Variants in GRM8 observed in about 807,000 individuals in gnomAD.
The protein encoded by GRM8 is metabotropic glutamate receptor 8.
GRM8 carries 47 observed loss-of-function variants against 87.2 expected under a neutral mutation model. The ratio of observed to expected loss-of-function variants is 0.54; its 90% confidence interval spans 0.43 to 0.69. The LOEUF (loss-of-function observed/expected upper bound fraction) is 0.69. Among genes scored for constraint, GRM8 ranks in the 30% least tolerant of loss-of-function variants. GRM8 has a pLI of 0.00. For synonymous variants in GRM8, 396 were observed against 404.5 expected (o/e 0.98, Z 0.25); for missense variants, 1,019 against 1,139.2 (o/e 0.89, Z 1.52).
At chr7:126,967,460 G>A (rs1345978359) in intron 3 of GRM8, among the ~76,000 whole-genome samples, 4 of 151,936 alleles carry the variant, frequency 2.6e-5, no homozygotes, top group South Asian at 2.1e-4. Context: ...CTTTATTTCT[G>A]TAAAGTTCAA....
intron 2 of GRM8, among the ~76,000 whole-genome samples, chr7:127,208,530 C>A (rs147199196): frequency 6.6e-6 from 1 of 152,184 alleles, no homozygotes; most frequent in Admixed American, 6.5e-5. Flanking sequence ...GACATAGCAA[C>A]GTGTTGAGTA....
chr7:126,512,381 G>C (rs1283987373), intron 9 of GRM8: 2 of 152,074 alleles, frequency 1.3e-5, no homozygotes, highest in East Asian at 3.9e-4. Flanking sequence ...CATATTTCCT[G>C]GTAGGAGAAC....
chr7:127,002,201 A>G (rs572227673), intron 3 of GRM8, among the ~76,000 whole-genome samples: 2 of 151,786 alleles, frequency 1.3e-5, no homozygotes, highest in South Asian at 4.1e-4. Flanking sequence ...GCCTCAGTAA[A>G]GAAGATTTTA....
At chr7:127,211,649 T>A (rs1796215876) in intron 2 of GRM8, among the ~76,000 whole-genome samples, 1 of 152,176 alleles carries the variant, frequency 6.6e-6, no homozygotes, top group African/African-American at 2.4e-5. Flanking sequence ...CCCACCTTCA[T>A]GGCTGGGATT....
chr7:127,183,798 G>A (rs1794601148), intron 2 of GRM8, among the ~76,000 whole-genome samples: 1 of 151,518 alleles, frequency 6.6e-6, no homozygotes, highest in African/African-American at 2.4e-5. Flanking sequence ...GGCTAACCAA[G>A]AAAAAGAGAA....
rs1369802722 is a variant in GRM8, at chr7:127,243,384, A to G, written c.-180T>C. ...CACAGTGAATTTCCATCAGACCCCT[A>G]AGGTTCAATTTTATTTCCTTATAAG... On this transcript the variant is annotated 5_prime_UTR_variant, in exon 2 of 11. Coordinates refer to ENST00000339582, the MANE Select transcript of GRM8 (RefSeq NM_000845.3). 2 of 583,524 alleles carry G rather than the reference A, an allele frequency of 3.4e-6. No homozygotes were observed. Among genetic ancestry groups the G allele is most frequent in the East Asian group, 2.8e-5 (1 of 35,260 alleles). 36.1% of individuals were successfully genotyped at this position (583,524 alleles called of 1,614,324 possible).
rs898348892 is a variant in GRM8, at chr7:127,112,847, T to G, written c.511-6135A>C. On this transcript the variant is annotated intron_variant, in intron 2 of 10. Transcript: ENST00000339582. The stretch of plus-strand genomic sequence containing the variant: ...TTCATAACTACCTTGGCAAACACCT[T>G]GACAGCCCACGGACTTCAATGTGTC... Among the ~76,000 whole-genome samples, 9 of 152,320 alleles carry G rather than the reference T, an allele frequency of 5.9e-5. No individual in the cohort carries two copies. In the East Asian group the frequency reaches 1.7e-3, roughly 29 times the overall value.
chr7:126,819,880 T>TA (rs5887313), intron 6 of GRM8, among the ~76,000 whole-genome samples: 98,898 of 151,262 alleles, frequency 0.65, 32,529 homozygotes, highest in African/African-American at 0.68. Context: ...CTTTTTCAAT[T>TA]AAAAAAAAAT....
intron 3 of GRM8, among the ~76,000 whole-genome samples, chr7:127,035,955 G>A (rs547580732): frequency 2.6e-5 from 4 of 152,106 alleles, no homozygotes; most frequent in Non-Finnish European, 5.9e-5. Context: ...GACTTCCGCT[G>A]TTACTTGCCC....
chr7:127,118,423 A>C (rs1167926257), intron 2 of GRM8, among the ~76,000 whole-genome samples: 1 of 152,246 alleles, frequency 6.6e-6, no homozygotes, highest in East Asian at 1.9e-4. Flanking sequence ...TCCCCTAAAC[A>C]AATTGATTAG....
chr7:127,242,040 A>G (rs897999147), intron 2 of GRM8, among the ~76,000 whole-genome samples: 2 of 152,216 alleles, frequency 1.3e-5, no homozygotes, highest in African/African-American at 4.8e-5. Context: ...CACCAAACCT[A>G]AATCAAAAAG....
At chr7:126,585,007 T>C (rs1795961603) in intron 8 of GRM8, among the ~76,000 whole-genome samples, 2 of 152,310 alleles carry the variant, frequency 1.3e-5, no homozygotes, top group African/African-American at 4.8e-5. Flanking sequence ...TAAAATGTTA[T>C]TAATCATATA....
intron 6 of GRM8, among the ~76,000 whole-genome samples, chr7:126,865,430 A>C (rs913727453): frequency 2.0e-5 from 3 of 152,216 alleles, no homozygotes; most frequent in Non-Finnish European, 4.4e-5. Flanking sequence ...TATACTTCAC[A>C]TGTCACACAA....
chr7:127,000,258 T>C (rs1813596308), intron 3 of GRM8, among the ~76,000 whole-genome samples: 1 of 151,528 alleles, frequency 6.6e-6, no homozygotes, highest in African/African-American at 2.4e-5. Context: ...AGTGGGGATG[T>C]GGTGGGGCAG....
At chr7:127,006,509 A>G (rs1446364869) in intron 3 of GRM8, among the ~76,000 whole-genome samples, 1 of 152,018 alleles carries the variant, frequency 6.6e-6, no homozygotes, top group Non-Finnish European at 1.5e-5. Flanking sequence ...GTCTGTCTCC[A>G]CTACTCCCAT....
chr7:126,903,901 T>C lies in GRM8; in HGVS notation c.1018+71A>G, dbSNP rs570001280. 4.5e-5 allele frequency: 40 copies of C among 895,690 alleles called. No homozygotes were observed. In the East Asian group the frequency reaches 9.3e-4, roughly 21 times the overall value. The allele number at this position is 895,690 out of a possible 1,614,324, so 55.5% of individuals were successfully genotyped here. Reference sequence around the variant, plus strand: ...GTAATGAGTGCATTTCCTCATATTATGATACTCCAGTTTTGCCTTTGAGTT... The same window carrying C: ...GTAATGAGTGCATTTCCTCATATTACGATACTCCAGTTTTGCCTTTGAGTT... On this transcript the variant is annotated intron_variant, in intron 5 of 10. Coordinates refer to ENST00000339582, the MANE Select transcript of GRM8 (RefSeq NM_000845.3).
At chr7:126,583,755 C>CA (rs138804328) in intron 8 of GRM8, among the ~76,000 whole-genome samples, 27,641 of 151,884 alleles carry the variant, frequency 0.18, 2,600 homozygotes, top group South Asian at 0.23. Flanking sequence ...TATGAATGAG[C>CA]AAAAAAAGTG....
intron 9 of GRM8, among the ~76,000 whole-genome samples, chr7:126,498,958 A>G (rs1809207256): frequency 6.6e-6 from 1 of 152,020 alleles, no homozygotes; most frequent in African/African-American, 2.4e-5. Flanking sequence ...AAATATCATG[A>G]CAAGAATACA....
At chr7:126,749,854 G>A (rs1363072842) in intron 7 of GRM8, among the ~76,000 whole-genome samples, 2 of 152,076 alleles carry the variant, frequency 1.3e-5, no homozygotes, top group African/African-American at 2.4e-5. Context: ...TGTTGGAGAG[G>A]AGTACAGCAA....
Sources: allele counts gnomAD v4.1 joint callset (sites outside exome capture counted in the v4.1 genomes callset), GRCh38; gene constraint gnomAD v4.1.1; transcripts MANE v1.5; gene names NCBI Gene and HGNC (gene_info 2026-07-23, HGNC 2026-07-21).